Variants in CNTN6 observed in about 807,000 individuals in gnomAD.
CNTN6 encodes contactin-6.
Under a neutral mutation model 122.8 loss-of-function variants are expected in CNTN6, and 137 were observed. That is an observed-to-expected ratio of 1.12 (90% CI 0.97 to 1.29). The LOEUF (loss-of-function observed/expected upper bound fraction) is 1.29, where lower values mean the gene tolerates loss of function less well. Among genes scored for constraint, CNTN6 ranks in the 50% most tolerant of loss-of-function variants. CNTN6 has a pLI of 0.00. For missense variants in CNTN6, 1,634 were observed against 1,223.4 expected, an observed-to-expected ratio of 1.34 and a Z score of -5.01; for synonymous variants, 570 against 426.0, an observed-to-expected ratio of 1.34 and a Z score of -4.16.
At chr3:1,136,240 AC>A (rs1407002114) in intron 1 of CNTN6, among the ~76,000 whole-genome samples, 1 of 152,164 alleles carries the variant, frequency 6.6e-6, no homozygotes, top group Non-Finnish European at 1.5e-5. Context: ...ACAGTGGGCA[AC>A]CCAAGAACAG....
intron 20 of CNTN6, among the ~76,000 whole-genome samples, chr3:1,388,639 A>C (rs971650561): frequency 7.3e-4 from 108 of 146,988 alleles, no homozygotes; most frequent in African/African-American, 1.6e-3. Context: ...CATTCAAACC[A>C]AAGGCAAAGA....
intron 12 of CNTN6, among the ~76,000 whole-genome samples, chr3:1,365,230 A>G (rs529729150): frequency 2.0e-5 from 3 of 152,166 alleles, no homozygotes; most frequent in South Asian, 2.1e-4. Flanking sequence ...CACAACTCCA[A>G]TTATCTGGAG....
In CNTN6 at chr3:1,403,617, C is replaced by A. The variant is rs777946061; in HGVS notation, c.*199C>A. On this transcript the variant is annotated 3_prime_UTR_variant, in exon 23 of 23. Coordinates refer to ENST00000446702, the MANE Select transcript of CNTN6 (RefSeq NM_001289080.2). ...ACACTTTTGAATTTTAAAATCCGCACATGATTACATGAATTCCTAGGTGCC... is the reference window on the plus strand; with the variant it reads ...ACACTTTTGAATTTTAAAATCCGCAAATGATTACATGAATTCCTAGGTGCC... The A allele has an allele frequency of 1.9e-5, 7 of 359,184 alleles. No homozygotes were observed. The highest frequency in any genetic ancestry group is 1.8e-4 in the Admixed American group (4 of 22,312). 22.2% of individuals were successfully genotyped at this position (359,184 alleles called of 1,614,324 possible). A position where few individuals can be genotyped will look rare whatever the true frequency, so the allele number is the denominator to read the frequency against.
intron 2 of CNTN6, among the ~76,000 whole-genome samples, chr3:1,157,341 C>A (rs1433651500): frequency 6.6e-6 from 1 of 152,062 alleles, no homozygotes; most frequent in Non-Finnish European, 1.5e-5. Flanking sequence ...CCTCAGCCTT[C>A]CAAGTAGCTA....
intron 1 of CNTN6, among the ~76,000 whole-genome samples, chr3:1,123,524 A>T (rs1016865753): frequency 8.0e-5 from 12 of 149,958 alleles, no homozygotes; most frequent in Non-Finnish European, 1.5e-4. Context: ...TATAAAACTA[A>T]TTTTTATATT....
intron 11 of CNTN6, among the ~76,000 whole-genome samples, chr3:1,348,682 AC>A (rs1705148547): frequency 6.6e-6 from 1 of 152,052 alleles, no homozygotes; most frequent in South Asian, 2.1e-4. Flanking sequence ...GTGAACTAAA[AC>A]GGAACTTGCT....
chr3:1,347,974 TTA>T (rs1030466702), intron 11 of CNTN6, among the ~76,000 whole-genome samples: 2 of 151,784 alleles, frequency 1.3e-5, no homozygotes, highest in African/African-American at 4.8e-5. Context: ...CTTTCCTTGT[TTA>T]TTCCTCATGG....
chr3:1,386,220 A>ATAAG (rs60856214), intron 20 of CNTN6, among the ~76,000 whole-genome samples: 4,754 of 152,224 alleles, frequency 0.031, 149 homozygotes, highest in African/African-American at 0.082. Flanking sequence ...ATTATTAATA[A>ATAAG]TAAGTGTCCA....
At chr3:1,119,420 T>C (rs2091867897) in intron 1 of CNTN6, among the ~76,000 whole-genome samples, 1 of 150,442 alleles carries the variant, frequency 6.6e-6, no homozygotes, top group South Asian at 2.1e-4. Flanking sequence ...ATGATTACCA[T>C]ATTTTTATAC....
chr3:1,388,018 TAAAC>T (rs1231412251), intron 20 of CNTN6, among the ~76,000 whole-genome samples: 1 of 151,940 alleles, frequency 6.6e-6, no homozygotes, highest in Admixed American at 6.6e-5. Flanking sequence ...CTTGATTAGG[TAAAC>T]AAAGCAGCCA....
At chr3:1,278,218 TAAAAA>T (rs1253148699) in intron 4 of CNTN6, among the ~76,000 whole-genome samples, 190 bp from the exon 5 acceptor site, 1 of 152,182 alleles carries the variant, frequency 6.6e-6, no homozygotes. Flanking sequence ...TGTGTTTAAT[TAAAAA>T]GAAAGAAAGA....
intron 1 of CNTN6, among the ~76,000 whole-genome samples, chr3:1,132,323 T>C (rs970425648): frequency 6.6e-6 from 1 of 152,142 alleles, no homozygotes; most frequent in African/African-American, 2.4e-5. Flanking sequence ...GTTTATGCCA[T>C]TGGACTTTAC....
chr3:1,229,409 A>G (rs1489433673), intron 4 of CNTN6, among the ~76,000 whole-genome samples: 1 of 152,136 alleles, frequency 6.6e-6, no homozygotes, highest in Non-Finnish European at 1.5e-5. Flanking sequence ...CATAATCATA[A>G]ATTTGACTCT....
At chr3:1,103,554 G>A (rs1267661456) in intron 1 of CNTN6, among the ~76,000 whole-genome samples, 1 of 152,108 alleles carries the variant, frequency 6.6e-6, no homozygotes, top group South Asian at 2.1e-4. Flanking sequence ...GCAGATGTAC[G>A]GAGTGATTTT....
At chr3:1,103,872 G>A (rs9826630) in intron 1 of CNTN6, among the ~76,000 whole-genome samples, 18,914 of 151,978 alleles carry the variant, frequency 0.12, 3,944 homozygotes, top group African/African-American at 0.43. Flanking sequence ...GCCCCCGGAT[G>A]TTATTTTCTT....
chr3:1,390,113 T>C (rs1693883061), intron 20 of CNTN6, among the ~76,000 whole-genome samples: 1 of 151,312 alleles, frequency 6.6e-6, no homozygotes, highest in Non-Finnish European at 1.5e-5. Context: ...ATAGATTTTT[T>C]TCAGCACCAC....
chr3:1,350,093 GAAGTA>G (rs1175287469), intron 11 of CNTN6, among the ~76,000 whole-genome samples: 1 of 151,634 alleles, frequency 6.6e-6, no homozygotes, highest in Non-Finnish European at 1.5e-5. Flanking sequence ...GTCTTACTTT[GAAGTA>G]AAGAAAAAAT....
At chr3:1,176,309 C>G (rs568091203) in intron 2 of CNTN6, among the ~76,000 whole-genome samples, 1 of 152,076 alleles carries the variant, frequency 6.6e-6, no homozygotes, top group Non-Finnish European at 1.5e-5. Flanking sequence ...CCCAGCTACT[C>G]GGGAGGCTGA....
chr3:1,314,393 C>T (rs1451344183), intron 7 of CNTN6, among the ~76,000 whole-genome samples: 1 of 152,082 alleles, frequency 6.6e-6, no homozygotes, highest in African/African-American at 2.4e-5. Context: ...ATACAAGCAT[C>T]TTAAGAAACT....
Sources: gnomAD v4.1 joint callset for allele counts (sites outside exome capture counted in the v4.1 genomes callset) on GRCh38, gnomAD v4.1.1 for gene constraint, MANE v1.5 for transcripts, NCBI Gene and HGNC (gene_info 2026-07-23, HGNC 2026-07-21) for gene names.